Variants in SEMA3A observed in about 807,000 individuals in gnomAD.
SEMA3A encodes the protein semaphorin-3A.
Under a neutral mutation model 97.9 loss-of-function variants are expected in SEMA3A, and 29 were observed. That is an observed-to-expected ratio of 0.30 (90% CI 0.22 to 0.40). SEMA3A has a LOEUF of 0.40. SEMA3A is among the 10% of genes least tolerant of loss of function. The pLI, the probability that SEMA3A is intolerant of heterozygous loss-of-function variation, is 1.00. For synonymous variants in SEMA3A, 321 were observed against 323.7 expected (o/e 0.99, Z 0.09); for missense variants, 763 against 951.3 (o/e 0.80, Z 2.60).
chr7:84,041,751 C>T (rs564771091), intron 6 of SEMA3A, among the ~76,000 whole-genome samples: 1 of 152,062 alleles, frequency 6.6e-6, no homozygotes, highest in Non-Finnish European at 1.5e-5. Context: ...GATCACTCAG[C>T]TTCTCTAACA....
intron 3 of SEMA3A, among the ~76,000 whole-genome samples, chr7:84,215,346 C>A (rs960733945): frequency 1.3e-5 from 2 of 151,508 alleles, no homozygotes; most frequent in East Asian, 4.0e-4. Context: ...CTACCACACC[C>A]AGCTAATTTT....
chr7:84,429,497 T>G, intron 1 of SEMA3A, among the ~76,000 whole-genome samples: 1 of 128,508 alleles, frequency 7.8e-6, no homozygotes, highest in East Asian at 2.3e-4. Context: ...ACTTTTGCAT[T>G]AGTAAAATAT....
chr7:84,102,679 C>G (rs1230364127), intron 4 of SEMA3A, among the ~76,000 whole-genome samples: 1 of 141,462 alleles, frequency 7.1e-6, no homozygotes, highest in African/African-American at 2.6e-5. Context: ...CTCCCGGGTT[C>G]AAGCAATTCT....
intron 9 of SEMA3A, 152 bp downstream of exon 9, chr7:84,010,870 A>T: frequency 5.3e-6 from 3 of 562,014 alleles, no homozygotes; most frequent in Non-Finnish European, 6.4e-6. Flanking sequence ...ATCTACGTAG[A>T]TCATAACTTC....
chr7:84,095,242 T>C (rs1244405044), intron 4 of SEMA3A, among the ~76,000 whole-genome samples: 2 of 139,706 alleles, frequency 1.4e-5, no homozygotes, highest in African/African-American at 2.5e-5. Context: ...TATATAAATA[T>C]ATGTTTATAT....
intron 1 of SEMA3A, among the ~76,000 whole-genome samples, chr7:84,193,455 C>T (rs887304641): frequency 1.1e-4 from 16 of 151,898 alleles, no homozygotes; most frequent in Admixed American, 4.6e-4. Flanking sequence ...ACTGCTCCAC[C>T]CCCAATTTTA....
chr7:84,176,830 A>G (rs17158707), intron 1 of SEMA3A, among the ~76,000 whole-genome samples: 3,307 of 152,244 alleles, frequency 0.022, 147 homozygotes, highest in African/African-American at 0.075. Flanking sequence ...AGAATGCACG[A>G]AAGTTTAGGG....
At chr7:84,175,113 G>C (rs899295876) in intron 1 of SEMA3A, among the ~76,000 whole-genome samples, 1 of 152,106 alleles carries the variant, frequency 6.6e-6, no homozygotes, top group Non-Finnish European at 1.5e-5. Context: ...TAAGTAAGGG[G>C]TTTGGTGTCC....
intron 3 of SEMA3A, among the ~76,000 whole-genome samples, chr7:84,306,880 G>T (rs1400092082): frequency 6.6e-6 from 1 of 152,022 alleles, no homozygotes; most frequent in Non-Finnish European, 1.5e-5. Context: ...TCACATTCCA[G>T]CTATCTCTGC....
At chr7:84,382,147 G>A (rs768852857) in intron 1 of SEMA3A, among the ~76,000 whole-genome samples, 12 of 151,918 alleles carry the variant, frequency 7.9e-5, no homozygotes, top group Admixed American at 2.6e-4. Flanking sequence ...TCGCTCTGTC[G>A]CCCAGACTAG....
At chr7:84,394,614 C>A (rs1217566276) in intron 1 of SEMA3A, among the ~76,000 whole-genome samples, 2 of 151,984 alleles carry the variant, frequency 1.3e-5, no homozygotes, top group African/African-American at 4.8e-5. Flanking sequence ...TAGTTGATGG[C>A]TGATTGGAAC....
At chr7:84,049,420 G>C (rs1301540616) in intron 5 of SEMA3A, among the ~76,000 whole-genome samples, 1 of 151,928 alleles carries the variant, frequency 6.6e-6, no homozygotes, top group Non-Finnish European at 1.5e-5. Flanking sequence ...CATCTTTGTT[G>C]TTTTGCCCAA....
chr7:84,083,282 A>G (rs949236715), intron 4 of SEMA3A, among the ~76,000 whole-genome samples: 3 of 151,898 alleles, frequency 2.0e-5, no homozygotes, highest in Non-Finnish European at 4.4e-5. Flanking sequence ...ATTTGAAACC[A>G]TATTTCTTTT....
intron 2 of SEMA3A, among the ~76,000 whole-genome samples, chr7:84,344,490 A>T (rs1243995653): frequency 6.6e-6 from 1 of 152,168 alleles, no homozygotes; most frequent in Non-Finnish European, 1.5e-5. Flanking sequence ...ATTTTTACTG[A>T]GTTGAGGATA....
chr7:84,099,159 C>T (rs1254571300), intron 4 of SEMA3A, among the ~76,000 whole-genome samples: 1 of 60,068 alleles, frequency 1.7e-5, no homozygotes, highest in East Asian at 6.5e-4. Flanking sequence ...CAAGCTCCGC[C>T]TCCCGGGTTC....
chr7:84,299,360 CT>C (rs1800950385), intron 3 of SEMA3A, among the ~76,000 whole-genome samples: 1 of 138,648 alleles, frequency 7.2e-6, no homozygotes, highest in Non-Finnish European at 1.5e-5. Context: ...CTCTCTCTCT[CT>C]CTCCCTCTAT....
intron 3 of SEMA3A, among the ~76,000 whole-genome samples, chr7:84,227,896 T>G (rs1173157046): frequency 2.0e-5 from 3 of 151,450 alleles, no homozygotes; most frequent in Non-Finnish European, 4.4e-5. Context: ...AGTCTCTGTG[T>G]GTGTGTGTGT....
intron 1 of SEMA3A, among the ~76,000 whole-genome samples, chr7:84,417,631 A>G (rs975570224): frequency 6.6e-6 from 1 of 152,100 alleles, no homozygotes; most frequent in African/African-American, 2.4e-5. Context: ...ATAACAAATT[A>G]CTAATTTTAA....
At chr7:84,093,901 A>G (rs999583250) in intron 4 of SEMA3A, among the ~76,000 whole-genome samples, 3 of 148,810 alleles carry the variant, frequency 2.0e-5, no homozygotes, top group African/African-American at 7.5e-5. Context: ...CATGTAACAA[A>G]CCTGCACATG....
Sources: allele counts gnomAD v4.1 joint callset (sites outside exome capture counted in the v4.1 genomes callset), GRCh38; gene constraint gnomAD v4.1.1; transcripts MANE v1.5; gene names NCBI Gene and HGNC (gene_info 2026-07-23, HGNC 2026-07-21).